Variants in SLX9 observed in about 807,000 individuals in gnomAD.
SLX9 encodes the protein ribosome biogenesis protein SLX9 homolog.
Under a neutral mutation model 20.8 loss-of-function variants are expected in SLX9, and 19 were observed. The observed-to-expected ratio is 0.91, with a 90% CI of 0.64 to 1.34. SLX9 has a LOEUF of 1.34. Among genes scored for constraint, SLX9 ranks in the 40% most tolerant of loss-of-function variants. The pLI is 0.00. For synonymous variants in SLX9, 113 were observed against 137.1 expected (o/e 0.82, Z 1.23); for missense variants, 299 against 322.2 (o/e 0.93, Z 0.55).
chr21:44,970,025 T>C (rs575632865), intron 4 of SLX9, among the ~76,000 whole-genome samples: 1 of 152,212 alleles, frequency 6.6e-6, no homozygotes, highest in Non-Finnish European at 1.5e-5. Context: ...GAAGTGCCAC[T>C]GTCACTCCAC....
At chr21:44,973,160 C>T in intron 4 of SLX9, 37 bp from the exon 5 acceptor site, 9 of 1,611,662 alleles carry the variant, frequency 5.6e-6, no homozygotes, top group Non-Finnish European at 7.6e-6. Context: ...TTAGGGGATG[C>T]TGGATGCTGA....
At chr21:44,948,999 A>AG (rs35703838) in intron 2 of SLX9, among the ~76,000 whole-genome samples, 1 of 152,178 alleles carries the variant, frequency 6.6e-6, no homozygotes, top group Admixed American at 6.5e-5. Flanking sequence ...CAAGGTCCAG[A>AG]GGGGGCCAAG....
chr21:44,962,144 A>G (rs759113427), intron 3 of SLX9, among the ~76,000 whole-genome samples: 2 of 152,228 alleles, frequency 1.3e-5, no homozygotes, highest in African/African-American at 2.4e-5. Flanking sequence ...GCTAGAGTTC[A>G]TGGTTCTTTT....
At chr21:44,954,682 G>T (rs1008373625) in intron 2 of SLX9, among the ~76,000 whole-genome samples, 1 of 152,128 alleles carries the variant, frequency 6.6e-6, no homozygotes, top group Non-Finnish European at 1.5e-5. Flanking sequence ...TCCCTGGGTA[G>T]TGCCACCCCC....
chr21:44,957,143 C>T (rs914925397), intron 2 of SLX9, among the ~76,000 whole-genome samples: 3 of 152,346 alleles, frequency 2.0e-5, no homozygotes, highest in South Asian at 2.1e-4. Context: ...AGGTTTTTGC[C>T]GGGCCGGCCG....
At chr21:44,959,645 G>C (rs1480754204) in intron 2 of SLX9, among the ~76,000 whole-genome samples, 2 of 152,222 alleles carry the variant, frequency 1.3e-5, no homozygotes, top group African/African-American at 4.8e-5. Context: ...GGCCTGGCAG[G>C]GGGCAGGGAG....
At chr21:44,943,118 C>T (rs962634759) in intron 1 of SLX9, among the ~76,000 whole-genome samples, 2 of 152,002 alleles carry the variant, frequency 1.3e-5, no homozygotes, top group East Asian at 1.9e-4. Flanking sequence ...CTGGGCAGCA[C>T]GGGGGTCAGG....
chr21:44,961,410 C>T (rs756039870), intron 3 of SLX9, among the ~76,000 whole-genome samples: 27 of 152,256 alleles, frequency 1.8e-4, no homozygotes, highest in Non-Finnish European at 3.2e-4. Context: ...GAGACCTTGT[C>T]TCTACAAAAA....
chr21:44,942,639 G>A (rs528945894), intron 1 of SLX9, among the ~76,000 whole-genome samples: 1 of 152,324 alleles, frequency 6.6e-6, no homozygotes, highest in Admixed American at 6.5e-5. Context: ...ATTAACAGGA[G>A]AAAAGCGTAC....
chr21:44,969,800 C>T lies in SLX9; in HGVS notation c.500+2619C>T, dbSNP rs76187347. Among the ~76,000 whole-genome samples, 1,046 of 152,276 alleles carry T rather than the reference C, an allele frequency of 6.9e-3. 15 individuals carry two copies. The highest frequency in any genetic ancestry group is 0.024 in the African/African-American group (998 of 41,544). Reference sequence around the variant, plus strand: ...TTAGGTTTCCTTCATTTTTCCCTAACGGACTCTTTCTGCCTCAGGATCCGT... The same window carrying T: ...TTAGGTTTCCTTCATTTTTCCCTAATGGACTCTTTCTGCCTCAGGATCCGT... On this transcript the variant is annotated intron_variant, in intron 4 of 5. Coordinates refer to ENST00000291634, the MANE Select transcript of SLX9 (RefSeq NM_058190.4).
At chr21:44,948,420 C>T (rs368498646) in intron 2 of SLX9, among the ~76,000 whole-genome samples, 4 of 151,884 alleles carry the variant, frequency 2.6e-5, no homozygotes, top group African/African-American at 7.3e-5. Context: ...CGTGGAGCAC[C>T]GGGCGTCTGG....
At chr21:44,975,115 A>G (rs933193005) in intron 5 of SLX9, among the ~76,000 whole-genome samples, 8 of 152,086 alleles carry the variant, frequency 5.3e-5, no homozygotes, top group Non-Finnish European at 7.4e-5. Context: ...GTTCCCTTTC[A>G]TGTCCATGGT....
chr21:44,971,430 G>A (rs947399489), intron 4 of SLX9, among the ~76,000 whole-genome samples: 1 of 152,140 alleles, frequency 6.6e-6, no homozygotes, highest in Non-Finnish European at 1.5e-5. Flanking sequence ...GGTGTGGGAC[G>A]CGTGGGTGGG....
chr21:44,969,788 A>C (rs976839056), intron 4 of SLX9, among the ~76,000 whole-genome samples: 11 of 152,090 alleles, frequency 7.2e-5, no homozygotes, highest in African/African-American at 2.7e-4. Context: ...GGTTTCCTTC[A>C]TTTTTCCCTA....
chr21:44,943,493 G>A (rs1406061728), intron 1 of SLX9, among the ~76,000 whole-genome samples, 191 bp from the exon 2 acceptor site: 1 of 152,180 alleles, frequency 6.6e-6, no homozygotes, highest in East Asian at 1.9e-4. Flanking sequence ...CTGCGGGTCT[G>A]CCCTGGAGCT....
At chr21:44,952,667 C>T in intron 2 of SLX9, among the ~76,000 whole-genome samples, 1 of 152,220 alleles carries the variant, frequency 6.6e-6, no homozygotes, top group East Asian at 1.9e-4. Context: ...TTGTGTGGCC[C>T]CACGGGACCC....
intron 2 of SLX9, among the ~76,000 whole-genome samples, chr21:44,948,363 C>T (rs1168291618): frequency 1.6e-4 from 22 of 135,292 alleles, no homozygotes; most frequent in African/African-American, 4.6e-4. Flanking sequence ...GAGCATCGGG[C>T]GTCCGGGGAG....
intron 2 of SLX9, among the ~76,000 whole-genome samples, chr21:44,950,297 AG>A (rs36092670): frequency 0.96 from 146,374 of 152,192 alleles, 70,430 homozygotes; most frequent in Middle Eastern, 1. Context: ...AGGGTATGAC[AG>A]GAAACCATGC....
intron 2 of SLX9, among the ~76,000 whole-genome samples, chr21:44,955,329 C>T (rs1053422729): frequency 6.6e-6 from 1 of 152,206 alleles, no homozygotes; most frequent in Non-Finnish European, 1.5e-5. Context: ...GTGCTGGGCA[C>T]GTGCACCACC....
Sources: gnomAD v4.1 joint callset for allele counts (sites outside exome capture counted in the v4.1 genomes callset) on GRCh38, gnomAD v4.1.1 for gene constraint, MANE v1.5 for transcripts, NCBI Gene and HGNC (gene_info 2026-07-23, HGNC 2026-07-21) for gene names.